The following CSNK2A2 variants were observed in gnomAD, a reference collection of about 807,000 sequenced individuals.
CSNK2A2 encodes the protein casein kinase II subunit alpha'.
Under a neutral mutation model 54.0 loss-of-function variants are expected in CSNK2A2, and 8 were observed. The observed-to-expected ratio is 0.15, with a 90% CI of 0.09 to 0.27. CSNK2A2 has a LOEUF of 0.27. CSNK2A2 is among the 10% of genes least tolerant of loss of function. The probability of loss-of-function intolerance (pLI) is 1.00; values close to 1 mark genes in which losing one functional copy is unlikely to be tolerated. For synonymous variants in CSNK2A2, 141 were observed against 153.9 expected (o/e 0.92, Z 0.62); for missense variants, 242 against 439.4 (o/e 0.55, Z 4.02).
intron 5 of CSNK2A2, among the ~76,000 whole-genome samples, chr16:58,170,099 T>C (rs1961694441): frequency 6.6e-6 from 1 of 152,196 alleles, no homozygotes; most frequent in African/African-American, 2.4e-5. Flanking sequence ...TTGTTTAAGA[T>C]GATTGATATG....
chr16:58,194,479 A>G (rs2056204449), intron 2 of CSNK2A2, among the ~76,000 whole-genome samples: 1 of 152,242 alleles, frequency 6.6e-6, no homozygotes, highest in African/African-American at 2.4e-5. Flanking sequence ...TAAAAAACAT[A>G]AAGAAGTGAG....
At chr16:58,180,232 A>G (rs1961999595) in intron 4 of CSNK2A2, among the ~76,000 whole-genome samples, 1 of 152,066 alleles carries the variant, frequency 6.6e-6, no homozygotes, top group Non-Finnish European at 1.5e-5. Context: ...AACAAAAACA[A>G]TAACTGAGCA....
chr16:58,171,557 T>C (rs1008338285), intron 5 of CSNK2A2, among the ~76,000 whole-genome samples: 1 of 151,860 alleles, frequency 6.6e-6, no homozygotes, highest in African/African-American at 2.4e-5. Context: ...CAGGCACTAC[T>C]AACTATGGGG....
intron 4 of CSNK2A2, among the ~76,000 whole-genome samples, chr16:58,179,195 A>G (rs563138424): frequency 6.6e-6 from 1 of 152,270 alleles, no homozygotes; most frequent in East Asian, 1.9e-4. Flanking sequence ...CAGCAAAAAG[A>G]TAAAATAGAA....
intron 2 of CSNK2A2, among the ~76,000 whole-genome samples, chr16:58,195,066 C>T (rs992942359): frequency 3.6e-4 from 54 of 151,930 alleles, no homozygotes; most frequent in African/African-American, 1.3e-3. Flanking sequence ...ATGGATATTC[C>T]TAATTTCAAT....
At position 58,197,534 on chromosome 16, in the gene CSNK2A2, G is replaced by A. The variant is rs1227762706; in HGVS notation, c.104+99C>T. 4 of 655,618 alleles carry A rather than the reference G, an allele frequency of 6.1e-6. No individual in the cohort carries two copies. Among genetic ancestry groups the A allele is most frequent in the Non-Finnish European group, 9.6e-6 (4 of 416,462 alleles). The allele number at this position is 655,618 out of a possible 1,614,324, so 40.6% of individuals were successfully genotyped here. A position where few individuals can be genotyped will look rare whatever the true frequency, so the allele number is the denominator to read the frequency against. On this transcript the variant is annotated intron_variant, in intron 1 of 11. Coordinates refer to ENST00000262506, the MANE Select transcript of CSNK2A2 (RefSeq NM_001896.4). This position sits in a 1 kb window ranked among gnomAD's most constrained non-coding sequence, Gnocchi z 4.0. Reference sequence around the variant, plus strand: ...TGCCTCCCTGCGGGCCCGCGGAGGGGTCGGCGGGAGACACCACCGGGCCCG... The same window carrying A: ...TGCCTCCCTGCGGGCCCGCGGAGGGATCGGCGGGAGACACCACCGGGCCCG...
At chr16:58,185,379 A>C (rs41422944) in intron 3 of CSNK2A2, among the ~76,000 whole-genome samples, 1 of 152,028 alleles carries the variant, frequency 6.6e-6, no homozygotes, top group Non-Finnish European at 1.5e-5. Context: ...CTGACCTTCT[A>C]ATAGACAAGG....
intron 2 of CSNK2A2, among the ~76,000 whole-genome samples, chr16:58,188,825 TGAGA>T (rs1221774512): frequency 5.3e-5 from 8 of 152,132 alleles, no homozygotes. Context: ...TGTGTGTATA[TGAGA>T]GAGAAAGAGA....
At chr16:58,161,103 A>T (rs935378338) in intron 11 of CSNK2A2, 6 of 152,322 alleles carry the variant, frequency 3.9e-5, no homozygotes, top group African/African-American at 1.4e-4. Context: ...AGCTGACAGC[A>T]TCCAGGGGAG....
rs746593736 is a variant in CSNK2A2, at chr16:58,197,611, C to CG, written c.104+21dup. 14 of 1,499,052 alleles carry CG rather than the reference C, an allele frequency of 9.3e-6. No homozygotes were observed. The highest frequency in any genetic ancestry group is 2.6e-5 in the East Asian group (1 of 38,240). 92.9% of individuals were successfully genotyped at this position (1,499,052 alleles called of 1,614,324 possible). A position where few individuals can be genotyped will look rare whatever the true frequency, so the allele number is the denominator to read the frequency against. ...CGGGGGCAGGGATCAGCGGGCCCGG[C>CG]GGGGGGCGGCGACGGCTTTACCCCC... On this transcript the variant is annotated intron_variant, in intron 1 of 11. Coordinates refer to ENST00000262506, the MANE Select transcript of CSNK2A2 (RefSeq NM_001896.4). The surrounding 1 kb of genome is among the most constrained non-coding windows in gnomAD (Gnocchi z 4.0).
rs143786852 is a variant in CSNK2A2, at chr16:58,195,925, G to A, written c.216+808C>T. Among the ~76,000 whole-genome samples the A allele has an allele frequency of 2.6e-5, 4 of 152,314 alleles. No individual in the cohort carries two copies. In the East Asian group the frequency reaches 7.7e-4, roughly 29 times the overall value. ...AACAAGGCTTCTCAGCACTACTGGTGCACTGTATCCATACCACCTGAAACT... is the reference window on the plus strand; with the variant it reads ...AACAAGGCTTCTCAGCACTACTGGTACACTGTATCCATACCACCTGAAACT... On this transcript the variant is annotated intron_variant, in intron 2 of 11. Coordinates refer to ENST00000262506, the MANE Select transcript of CSNK2A2 (RefSeq NM_001896.4).
chr16:58,183,726 A>G (rs939312737), intron 4 of CSNK2A2, among the ~76,000 whole-genome samples: 2 of 152,186 alleles, frequency 1.3e-5, no homozygotes, highest in Non-Finnish European at 2.9e-5. Flanking sequence ...TTTAAAAAGA[A>G]CACTTCAATG....
intron 3 of CSNK2A2, among the ~76,000 whole-genome samples, chr16:58,185,582 T>C (rs901260368): frequency 1.3e-5 from 2 of 152,228 alleles, no homozygotes; most frequent in Non-Finnish European, 2.9e-5. Context: ...GGTGCTCATT[T>C]TTCCATGGGT....
At chr16:58,166,754 C>A in intron 8 of CSNK2A2, 70 bp from the exon 9 acceptor site, 4 of 1,101,218 alleles carry the variant, frequency 3.6e-6, no homozygotes, top group Admixed American at 3.4e-5. Flanking sequence ...GGACACTGCA[C>A]CAAGGAATCA....
chr16:58,164,018 G>A, intron 11 of CSNK2A2, 36 bp downstream of exon 11: 1 of 1,491,810 alleles, frequency 6.7e-7, no homozygotes, highest in Non-Finnish European at 9.3e-7. Flanking sequence ...GTGTTTGGTT[G>A]GTTGGTTTTA....
At chr16:58,161,540 CACACACACAGACACACACACAG>C (rs1036639168) in intron 11 of CSNK2A2, 5 of 146,906 alleles carry the variant, frequency 3.4e-5, no homozygotes, top group African/African-American at 1.4e-4. Context: ...CACACACAGA[CACACACACAGACACACACACAG>C]ACACACACAC....
chr16:58,194,194 A>C (rs1048089934), intron 2 of CSNK2A2, among the ~76,000 whole-genome samples: 12 of 152,196 alleles, frequency 7.9e-5, no homozygotes, highest in Non-Finnish European at 1.6e-4. Flanking sequence ...TACAAAAAGG[A>C]AGGCTGTTCT....
chr16:58,163,937 T>A, intron 11 of CSNK2A2, 117 bp downstream of exon 11: 1 of 808,948 alleles, frequency 1.2e-6, no homozygotes, highest in East Asian at 2.6e-5. Flanking sequence ...TTTAGGTCTT[T>A]ACTCTTCTGT....
chr16:58,168,928 T>G (rs921453276), intron 5 of CSNK2A2, among the ~76,000 whole-genome samples: 6 of 151,800 alleles, frequency 4.0e-5, no homozygotes, highest in Admixed American at 2.6e-4. Context: ...TGAGGAAGAT[T>G]TCTTTTTTTT....
Sources: gnomAD v4.1 joint callset for allele counts (sites outside exome capture counted in the v4.1 genomes callset) on GRCh38, gnomAD v4.1.1 for gene constraint, Gnocchi (gnomAD v3.1) non-coding constraint, MANE v1.5 for transcripts, NCBI Gene and HGNC (gene_info 2026-07-23, HGNC 2026-07-21) for gene names.